The following MAP4 variants were observed in gnomAD, a reference collection of about 807,000 sequenced individuals.
MAP4 encodes the protein microtubule associated protein 4.
Under a neutral mutation model 170.2 loss-of-function variants are expected in MAP4, and 76 were observed. That is an observed-to-expected ratio of 0.45 (90% confidence interval 0.37 to 0.54). The LOEUF is 0.54. Among genes scored for constraint, MAP4 ranks in the 20% least tolerant of loss-of-function variants. The probability of loss-of-function intolerance (pLI) is 0.00; values close to 1 mark genes in which losing one functional copy is unlikely to be tolerated. For missense variants in MAP4, 2,506 were observed against 2,748.0 expected (o/e 0.91, Z 1.97); for synonymous variants, 909 against 994.5 (o/e 0.91, Z 1.62).
chr3:47,879,369 A>T (rs566072506), intron 10 of MAP4, among the ~76,000 whole-genome samples: 27 of 152,350 alleles, frequency 1.8e-4, no homozygotes, highest in African/African-American at 6.3e-4. Flanking sequence ...GTAATTAAAC[A>T]GAACAACGTT....
chr3:47,892,824 C>G, intron 10 of MAP4: 1 of 1,098,244 alleles, frequency 9.1e-7, no homozygotes, highest in Non-Finnish European at 1.1e-6. Context: ...TGGTGCCAAT[C>G]CAAGCACTAA....
At chr3:47,984,305 T>C (rs559843263) in intron 2 of MAP4, among the ~76,000 whole-genome samples, 1 of 152,306 alleles carries the variant, frequency 6.6e-6, no homozygotes, top group South Asian at 2.1e-4. Context: ...GCCTCCCTGG[T>C]ATTTTTGACC....
At chr3:47,899,995 G>T (rs1559967996) in intron 10 of MAP4, among the ~76,000 whole-genome samples, 1 of 152,080 alleles carries the variant, frequency 6.6e-6, no homozygotes, top group Non-Finnish European at 1.5e-5. Flanking sequence ...CCTGTTCAGG[G>T]CCTTGGTTTT....
intron 9 of MAP4, among the ~76,000 whole-genome samples, chr3:47,904,064 A>G (rs1327435791): frequency 6.6e-6 from 1 of 152,156 alleles, no homozygotes; most frequent in Non-Finnish European, 1.5e-5. Context: ...TTTCTTTTTA[A>G]GTACCTGAAA....
chr3:47,895,627 T>G (rs550018423), intron 10 of MAP4, among the ~76,000 whole-genome samples: 32 of 152,366 alleles, frequency 2.1e-4, no homozygotes, highest in Middle Eastern at 3.4e-3. Context: ...TTGTTCCTTA[T>G]AGCCAAATTA....
At chr3:47,938,284 T>C (rs967991396) in intron 3 of MAP4, among the ~76,000 whole-genome samples, 3 of 151,950 alleles carry the variant, frequency 2.0e-5, no homozygotes, top group Non-Finnish European at 4.4e-5. Flanking sequence ...AGGAGAATTG[T>C]TTGAACCTGG....
intron 1 of MAP4, among the ~76,000 whole-genome samples, chr3:48,054,701 A>G (rs2100129783): frequency 1.3e-5 from 2 of 150,930 alleles, no homozygotes; most frequent in Non-Finnish European, 3.0e-5. Flanking sequence ...CCAGCTACTC[A>G]GGAGGCTGAG....
chr3:47,892,101 G>A (rs2100024341), intron 10 of MAP4: 1 of 1,536,132 alleles, frequency 6.5e-7, no homozygotes, highest in East Asian at 2.4e-5. Flanking sequence ...ATGAGTCCCA[G>A]ATGGAACTCG....
chr3:47,877,210 A>G, intron 11 of MAP4: 1 of 495,922 alleles, frequency 2.0e-6, no homozygotes, highest in South Asian at 2.2e-5. Flanking sequence ...ATATAAGATA[A>G]TAGGGTCAAA....
chr3:47,961,748 G>A (rs2100071700), intron 3 of MAP4, among the ~76,000 whole-genome samples: 1 of 152,124 alleles, frequency 6.6e-6, no homozygotes, highest in Non-Finnish European at 1.5e-5. Flanking sequence ...CTCTGCTGGT[G>A]TGCAGAACAC....
intron 10 of MAP4, among the ~76,000 whole-genome samples, chr3:47,887,782 T>G (rs1206029996): frequency 6.6e-6 from 1 of 152,206 alleles, no homozygotes; most frequent in Non-Finnish European, 1.5e-5. Flanking sequence ...ATCGACACTC[T>G]GTATCTAGCT....
intron 1 of MAP4, among the ~76,000 whole-genome samples, chr3:48,061,662 G>A (rs557483782): frequency 2.2e-3 from 333 of 152,294 alleles, no homozygotes; most frequent in African/African-American, 7.1e-3. Context: ...CATCGTCTGG[G>A]ATGTGAGGAG....
chr3:47,911,963 C>T lies in MAP4; in HGVS notation c.2458G>A (p.Gly820Ser), dbSNP rs763795821. 6 of 1,535,928 alleles carry T rather than the reference C, an allele frequency of 3.9e-6. No homozygotes were observed. The highest frequency in any genetic ancestry group is 5.2e-6 in the Non-Finnish European group (6 of 1,146,898). ...GVLPSQPTTM[G>S]TEYGLVSGEN... ...CCAGATACAAGTCCATATTCTGTAC[C>T]CATAGTGGTAGGCTGGCTGGGGAGA... Residue 820 changes from glycine to serine, a missense_variant, in exon 9 of 21, where the codon GGT (glycine) becomes AGT (serine). This residue lies in a region of MAP4 where 2,008 missense variants were observed against 2,206.0 expected (regional missense o/e 0.91). Transcript: ENST00000683076. This position sits in a 1 kb window ranked among gnomAD's most constrained non-coding sequence, Gnocchi z 4.0.
At chr3:47,887,916 G>A (rs1282708895) in intron 10 of MAP4, among the ~76,000 whole-genome samples, 1 of 151,942 alleles carries the variant, frequency 6.6e-6, no homozygotes, top group East Asian at 1.9e-4. Flanking sequence ...TTAGCTCAAG[G>A]TTTGTGAATG....
chr3:47,856,255 T>C (rs2056165734), intron 18 of MAP4, among the ~76,000 whole-genome samples: 1 of 152,190 alleles, frequency 6.6e-6, no homozygotes, highest in Non-Finnish European at 1.5e-5. Context: ...GGTCTCCCGG[T>C]GTCCCATATT....
At chr3:47,941,457 T>C (rs184867355) in intron 3 of MAP4, among the ~76,000 whole-genome samples, 5 of 151,996 alleles carry the variant, frequency 3.3e-5, no homozygotes, top group Non-Finnish European at 7.4e-5. Context: ...TGTGTTCTAT[T>C]AAGACAGACA....
rs541032688 is a variant in MAP4 at position 47,944,749 on chromosome 3, G to A, written c.293-16399C>T. 1.1e-3 allele frequency among the ~76,000 whole-genome samples: 174 copies of A among 151,478 alleles called. 2 individuals carry two copies. The highest frequency in any genetic ancestry group is 2.8e-3 in the Admixed American group (42 of 15,206). On this transcript the variant is annotated intron_variant, in intron 3 of 20. Transcript: ENST00000683076. ...AATCTCTGGCATCTTTAAAACACAAGTAAAATCCAAACTGTTTATATATAT... is the reference window on the plus strand; with the variant it reads ...AATCTCTGGCATCTTTAAAACACAAATAAAATCCAAACTGTTTATATATAT...
At chr3:47,999,694 G>A (rs2100098097) in intron 1 of MAP4, among the ~76,000 whole-genome samples, 1 of 152,084 alleles carries the variant, frequency 6.6e-6, no homozygotes, top group South Asian at 2.1e-4. Context: ...GGGGTCTCCT[G>A]GAGGGTGGAG....
chr3:48,065,994 G>C (rs943811861), intron 1 of MAP4, among the ~76,000 whole-genome samples: 2 of 151,876 alleles, frequency 1.3e-5, no homozygotes, highest in Non-Finnish European at 2.9e-5. Context: ...TCAATAAACT[G>C]AAAGAAAATA....
Sources: gnomAD v4.1 joint callset for allele counts (sites outside exome capture counted in the v4.1 genomes callset) on GRCh38, gnomAD v4.1.1 for gene constraint, gnomAD v4.1.1 regional missense constraint, Gnocchi (gnomAD v3.1) non-coding constraint, MANE v1.5 for transcripts, NCBI Gene and HGNC (gene_info 2026-07-23, HGNC 2026-07-21) for gene names.